The following LRMDA variants were observed in gnomAD, a reference collection of about 807,000 sequenced individuals.
The protein encoded by LRMDA is leucine-rich melanocyte differentiation-associated protein.
LRMDA carries 18 observed loss-of-function variants against 29.8 expected under a neutral mutation model. That is an observed-to-expected ratio of 0.60 (90% CI 0.42 to 0.90). The LOEUF is 0.90. LRMDA is among the 40% of genes least tolerant of loss of function. The pLI is 0.00. For missense variants in LRMDA, 273 were observed against 273.9 expected, an observed-to-expected ratio of 1.00 and a Z score of 0.02; for synonymous variants, 125 against 109.4, an observed-to-expected ratio of 1.14 and a Z score of -0.89.
chr10:75,599,366 C>T (rs894037208), intron 2 of LRMDA, among the ~76,000 whole-genome samples: 2 of 152,158 alleles, frequency 1.3e-5, no homozygotes, highest in African/African-American at 2.4e-5. Flanking sequence ...AAGCTAAAAT[C>T]GCTGGCAAGA....
At chr10:76,152,516 A>G (rs1300723157) in intron 5 of LRMDA, among the ~76,000 whole-genome samples, 2 of 152,172 alleles carry the variant, frequency 1.3e-5, no homozygotes, top group Non-Finnish European at 2.9e-5. Context: ...TTGTGTGAAT[A>G]TGTTTTTCAG....
intron 2 of LRMDA, among the ~76,000 whole-genome samples, chr10:76,026,189 T>C (rs1848060147): frequency 6.6e-6 from 1 of 152,238 alleles, no homozygotes; most frequent in Non-Finnish European, 1.5e-5. Context: ...ATATTAATAA[T>C]TGAGGACGTA....
rs1840302570 is a variant in LRMDA, at chr10:75,561,979, G to A, written c.131+123485G>A. Among the ~76,000 whole-genome samples the A allele has an allele frequency of 5.3e-5, 8 of 152,130 alleles. No homozygotes were observed. In the South Asian group the frequency reaches 1.7e-3, roughly 32 times the overall value. On this transcript the variant is annotated intron_variant, in intron 2 of 6. Transcript: ENST00000611255. The stretch of plus-strand genomic sequence containing the variant: ...TGTGTTCAATTTTGGAATAGGTGTG[G>A]TGTGGTGCTGAAAAAAATGTATATT...
intron 2 of LRMDA, among the ~76,000 whole-genome samples, chr10:75,936,742 G>T (rs1023730983): frequency 1.3e-5 from 2 of 152,100 alleles, no homozygotes; most frequent in African/African-American, 4.8e-5. Flanking sequence ...TCTCTCTGAG[G>T]TCTCTTTTAT....
At chr10:75,506,408 T>G (rs1845168865) in intron 2 of LRMDA, among the ~76,000 whole-genome samples, 2 of 152,250 alleles carry the variant, frequency 1.3e-5, no homozygotes, top group Admixed American at 1.3e-4. Flanking sequence ...AGTTCTGCCT[T>G]TTTACCCTGT....
intron 2 of LRMDA, among the ~76,000 whole-genome samples, chr10:75,492,146 T>C (rs1488102330): frequency 6.6e-6 from 1 of 152,236 alleles, no homozygotes; most frequent in African/African-American, 2.4e-5. Flanking sequence ...CTACGAGTAA[T>C]TTCTGCCTTG....
intron 6 of LRMDA, among the ~76,000 whole-genome samples, chr10:76,493,784 G>A (rs904740297): frequency 6.6e-6 from 1 of 152,016 alleles, no homozygotes; most frequent in Admixed American, 6.6e-5. Flanking sequence ...AATCCTGCTA[G>A]AATTTTGATT....
chr10:76,377,044 C>T (rs1464708539), intron 6 of LRMDA, among the ~76,000 whole-genome samples: 1 of 151,810 alleles, frequency 6.6e-6, no homozygotes, highest in Non-Finnish European at 1.5e-5. Context: ...TGCCACCACA[C>T]CTGGCTAATT....
At chr10:75,739,377 T>G (rs1267709184) in intron 2 of LRMDA, among the ~76,000 whole-genome samples, 3 of 152,228 alleles carry the variant, frequency 2.0e-5, no homozygotes, top group Non-Finnish European at 4.4e-5. Context: ...AATTAAAAAC[T>G]TAAATTACTT....
intron 2 of LRMDA, among the ~76,000 whole-genome samples, chr10:75,912,354 A>C: frequency 6.6e-6 from 1 of 152,190 alleles, no homozygotes. Flanking sequence ...GAGGACATGC[A>C]AAGTGCTGAG....
intron 6 of LRMDA, among the ~76,000 whole-genome samples, chr10:76,554,704 G>A (rs1348801674): frequency 2.0e-5 from 3 of 152,146 alleles, no homozygotes; most frequent in Admixed American, 1.3e-4. Context: ...CCCAGCCCAC[G>A]TTCCAGGAGC....
intron 2 of LRMDA, among the ~76,000 whole-genome samples, chr10:75,868,591 A>G (rs575623670): frequency 1.2e-4 from 18 of 152,368 alleles, no homozygotes; most frequent in African/African-American, 4.3e-4. Context: ...AAACAGAATC[A>G]GAATTTGAAT....
intron 6 of LRMDA, among the ~76,000 whole-genome samples, chr10:76,505,557 A>G (rs1204959957): frequency 6.6e-6 from 1 of 152,012 alleles, no homozygotes; most frequent in African/African-American, 2.4e-5. Context: ...TCTGCTGTTA[A>G]TGCTTCTTAT....
At chr10:75,446,109 A>G (rs895262738) in intron 2 of LRMDA, among the ~76,000 whole-genome samples, 2 of 152,160 alleles carry the variant, frequency 1.3e-5, no homozygotes, top group African/African-American at 2.4e-5. Context: ...GACACACCAT[A>G]CTTTCTGTGT....
chr10:76,525,795 T>A (rs1843169238), intron 6 of LRMDA, among the ~76,000 whole-genome samples: 2 of 152,180 alleles, frequency 1.3e-5, no homozygotes. Context: ...GTCAAGAGAA[T>A]TGAAGCTAAT....
chr10:76,179,623 A>G (rs1436122407), intron 5 of LRMDA, among the ~76,000 whole-genome samples: 3 of 152,218 alleles, frequency 2.0e-5, no homozygotes, highest in Non-Finnish European at 2.9e-5. Flanking sequence ...AACCGTTTCC[A>G]CACTGCAGCA....
rs1271242441 is a variant in LRMDA, at chr10:76,245,010, T to C, written c.517-79391T>C. Among the ~76,000 whole-genome samples, 3 of 152,110 alleles carry C rather than the reference T, an allele frequency of 2.0e-5. No homozygotes were observed. In the East Asian group the frequency reaches 5.8e-4, roughly 29 times the overall value. The stretch of plus-strand genomic sequence containing the variant: ...AGGCTTCAACTTCACAGTGAGGTTG[T>C]TGGAGCCGTACATCTCAGTACTAGC... On this transcript the variant is annotated intron_variant, in intron 5 of 6. Transcript: ENST00000611255.
intron 6 of LRMDA, among the ~76,000 whole-genome samples, chr10:76,331,069 G>A (rs775093189): frequency 6.1e-4 from 93 of 152,110 alleles, no homozygotes; most frequent in Non-Finnish European, 5.1e-4. Context: ...TCAGGAGTTC[G>A]AGACCAGCCT....
intron 2 of LRMDA, among the ~76,000 whole-genome samples, chr10:75,909,894 G>T (rs1014408359): frequency 6.6e-6 from 1 of 152,170 alleles, no homozygotes; most frequent in African/African-American, 2.4e-5. Context: ...GCAAAAGAAT[G>T]CTGGAAACGA....
Sources: allele counts gnomAD v4.1 joint callset (sites outside exome capture counted in the v4.1 genomes callset), GRCh38; gene constraint gnomAD v4.1.1; transcripts MANE v1.5; gene names NCBI Gene and HGNC (gene_info 2026-07-23, HGNC 2026-07-21).